The following PPP3R1 variants were observed in gnomAD, a reference collection of about 807,000 sequenced individuals.
PPP3R1 encodes protein phosphatase 3 regulatory subunit B, alpha.
PPP3R1 carries 5 observed loss-of-function variants against 22.6 expected under a neutral mutation model. The ratio of observed to expected loss-of-function variants is 0.22; its 90% CI spans 0.12 to 0.46. The LOEUF is 0.46. Among genes scored for constraint, PPP3R1 ranks in the 20% least tolerant of loss-of-function variants. The pLI is 0.99. For synonymous variants in PPP3R1, 56 were observed against 65.2 expected, an observed-to-expected ratio of 0.86 and a Z score of 0.68; for missense variants, 61 against 203.2, an observed-to-expected ratio of 0.30 and a Z score of 4.25.
chr2:68,243,438 A>T (rs1670169909), intron 1 of PPP3R1, among the ~76,000 whole-genome samples: 1 of 152,172 alleles, frequency 6.6e-6, no homozygotes, highest in South Asian at 2.1e-4. Flanking sequence ...ACTGGAGAAA[A>T]GGCTTACTTG....
chr2:68,232,235 G>A (rs867932801), intron 1 of PPP3R1, among the ~76,000 whole-genome samples: 51 of 38,728 alleles, frequency 1.3e-3, no homozygotes, highest in African/African-American at 6.0e-3. Context: ...GTGTGTGTGT[G>A]TGTGTGTGTG....
chr2:68,247,453 GTTCT>G (rs1301667906), intron 1 of PPP3R1, among the ~76,000 whole-genome samples: 17 of 152,162 alleles, frequency 1.1e-4, no homozygotes, highest in East Asian at 1.9e-4. Context: ...AGGCTATCAA[GTTCT>G]TTCTGTTTCT....
chr2:68,218,023 T>C (rs894522380), intron 1 of PPP3R1, among the ~76,000 whole-genome samples: 1 of 152,142 alleles, frequency 6.6e-6, no homozygotes, highest in African/African-American at 2.4e-5. Context: ...GACTCAGAGG[T>C]AGAATCATTA....
At chr2:68,194,599 G>C (rs1417325133) in intron 2 of PPP3R1, among the ~76,000 whole-genome samples, 1 of 151,934 alleles carries the variant, frequency 6.6e-6, no homozygotes, top group African/African-American at 2.4e-5. Context: ...TTTCAAAATA[G>C]TAAAGAAAAG....
At chr2:68,245,912 T>C (rs1407119617) in intron 1 of PPP3R1, among the ~76,000 whole-genome samples, 1 of 152,158 alleles carries the variant, frequency 6.6e-6, no homozygotes, top group Non-Finnish European at 1.5e-5. Context: ...GTTAAAAGGA[T>C]GAGAAAAATT....
intron 2 of PPP3R1, among the ~76,000 whole-genome samples, chr2:68,208,957 A>T (rs1195702522): frequency 6.6e-6 from 1 of 151,728 alleles, no homozygotes. Context: ...AAAAATCATT[A>T]AAAAAAGTCT....
intron 1 of PPP3R1, among the ~76,000 whole-genome samples, chr2:68,223,375 AAC>A (rs1193157776): frequency 6.6e-6 from 1 of 152,218 alleles, no homozygotes; most frequent in African/African-American, 2.4e-5. Flanking sequence ...TAGCCTAGGC[AAC>A]AGTGCGAGAC....
chr2:68,217,152 A>T, intron 1 of PPP3R1, 21 bp from the exon 2 acceptor site: 1 of 1,556,764 alleles, frequency 6.4e-7, no homozygotes, highest in Non-Finnish European at 8.8e-7. Context: ...AGAAAGAAAT[A>T]ATTAGTCATA....
chr2:68,252,256 G>A lies in PPP3R1; in HGVS notation c.-129C>T. On this transcript the variant is annotated 5_prime_UTR_variant, in exon 1 of 6. It adds an upstream start codon to the 5' untranslated region. Transcript: ENST00000234310. ...GGTCGCCGGCGGGGAGGGGGCGCGC[G>A]TGGGGGAGGGGAGGCGGCGCCGCGG... 1.9e-6 allele frequency: 2 copies of A among 1,071,798 alleles called. No homozygotes were observed. The highest frequency in any genetic ancestry group is 6.9e-5 in the East Asian group (1 of 14,462). The allele number at this position is 1,071,798 out of a possible 1,614,324, so 66.4% of individuals were successfully genotyped here. A position where few individuals can be genotyped will look rare whatever the true frequency, so the allele number is the denominator to read the frequency against.
intron 1 of PPP3R1, among the ~76,000 whole-genome samples, chr2:68,225,429 A>G (rs972670790): frequency 1.3e-5 from 2 of 152,112 alleles, no homozygotes; most frequent in Non-Finnish European, 2.9e-5. Context: ...GCAAGGAAAC[A>G]GAGTGCTCAA....
chr2:68,238,496 A>T (rs1261299314), intron 1 of PPP3R1, among the ~76,000 whole-genome samples: 1 of 152,196 alleles, frequency 6.6e-6, no homozygotes, highest in Non-Finnish European at 1.5e-5. Context: ...AACCAGTTAC[A>T]GCATAAGGAT....
intron 1 of PPP3R1, among the ~76,000 whole-genome samples, chr2:68,223,928 A>T (rs907269387): frequency 6.6e-6 from 1 of 152,222 alleles, no homozygotes; most frequent in Non-Finnish European, 1.5e-5. Context: ...ATCAAAACTA[A>T]TAAATGAATT....
chr2:68,238,525 G>C (rs946255117), intron 1 of PPP3R1, among the ~76,000 whole-genome samples: 1 of 152,158 alleles, frequency 6.6e-6, no homozygotes, highest in African/African-American at 2.4e-5. Flanking sequence ...ATAAGGGTCA[G>C]AGCCCGACTG....
chr2:68,222,247 T>C (rs1179524201), intron 1 of PPP3R1, among the ~76,000 whole-genome samples: 7 of 152,218 alleles, frequency 4.6e-5, no homozygotes, highest in Admixed American at 4.6e-4. Flanking sequence ...ACTGTATCAT[T>C]ATTTGAAGGT....
At position 68,213,153 on chromosome 2, in the gene PPP3R1, CTATTAATTTCCTT is replaced by C. The variant is rs562459431; in HGVS notation, c.43+3926_43+3938del. Among the ~76,000 whole-genome samples, 3 of 152,306 alleles carry C rather than the reference CTATTAATTTCCTT, an allele frequency of 2.0e-5. No individual in the cohort carries two copies. The East Asian group carries it at 5.8e-4, about 29-fold the overall frequency. ...ATTCGTTTGTTCACTGGAGTTAGCA[CTATTAATTTCCTT>C]TAAGAACTTTTCCTTTGCATTCATG... On this transcript the variant is annotated intron_variant, in intron 2 of 5. Transcript: ENST00000234310.
chr2:68,216,690 G>C (rs1380837136), intron 2 of PPP3R1, among the ~76,000 whole-genome samples: 2 of 152,064 alleles, frequency 1.3e-5, no homozygotes, highest in East Asian at 3.9e-4. Context: ...CTTCCTCAGT[G>C]ATCTTGGGAA....
intron 1 of PPP3R1, 71 bp downstream of exon 1, chr2:68,252,053 CT>C (rs1382484918): frequency 3.0e-6 from 4 of 1,324,494 alleles, no homozygotes; most frequent in Admixed American, 4.9e-5. Context: ...GGCGTCGGGG[CT>C]CGCCCCCGCA....
In PPP3R1 at chr2:68,187,419, C is replaced by A. The variant is rs552142495; in HGVS notation, c.221-105G>T. On this transcript the variant is annotated intron_variant, in intron 3 of 5. Coordinates refer to ENST00000234310, the MANE Select transcript of PPP3R1 (RefSeq NM_000945.4). ...AAAAGGATATTTCCTTGCTGCAAAA[C>A]AGAAGTACTACTAGCAACGTTTAAA... The A allele has an allele frequency of 1.8e-4, 175 of 966,510 alleles. 4 individuals carry two copies. In the South Asian group the frequency reaches 2.5e-3, roughly 14 times the overall value. The allele number at this position is 966,510 out of a possible 1,614,324, so 59.9% of individuals were successfully genotyped here. A position where few individuals can be genotyped will look rare whatever the true frequency, so the allele number is the denominator to read the frequency against.
intron 1 of PPP3R1, among the ~76,000 whole-genome samples, chr2:68,251,786 G>A (rs918614716): frequency 5.3e-5 from 8 of 151,698 alleles, no homozygotes; most frequent in Non-Finnish European, 8.8e-5. Flanking sequence ...TCGCGAGAAG[G>A]AGAGTGCGCC....
Sources: allele counts gnomAD v4.1 joint callset (sites outside exome capture counted in the v4.1 genomes callset), GRCh38; gene constraint gnomAD v4.1.1; transcripts MANE v1.5; gene names NCBI Gene and HGNC (gene_info 2026-07-23, HGNC 2026-07-21).